CCDC63: variants seen among roughly 807,000 people sequenced by gnomAD.
CCDC63 encodes coiled-coil domain-containing protein 63.
A neutral mutation model predicts 63.6 loss-of-function variants in CCDC63; 54 were observed. The ratio of observed to expected loss-of-function variants is 0.85; its 90% confidence interval spans 0.68 to 1.07. The LOEUF (loss-of-function observed/expected upper bound fraction) is 1.07, where lower values mean the gene tolerates loss of function less well. CCDC63 is among the 50% of genes least tolerant of loss of function. CCDC63 has a pLI of 0.00. For missense variants in CCDC63, 637 were observed against 689.6 expected (o/e 0.92, Z 0.86); for synonymous variants, 253 against 266.1 (o/e 0.95, Z 0.48).
chr12:110,896,456 C>G (rs150451857), intron 9 of CCDC63, among the ~76,000 whole-genome samples: 1 of 152,162 alleles, frequency 6.6e-6, no homozygotes, highest in Non-Finnish European at 1.5e-5. Flanking sequence ...GGCTGTATGC[C>G]TCAGAGCCTC....
Position 110,904,797 on chromosome 12 carries a change from TTCTC to T in CCDC63, c.1546+15_1546+18del, listed in dbSNP as rs766763794. 3 of 1,600,816 alleles carry T rather than the reference TTCTC, an allele frequency of 1.9e-6. No individual in the cohort carries two copies. Among genetic ancestry groups the T allele is most frequent in the African/African-American group, 1.3e-5 (1 of 74,098 alleles). On this transcript the variant is annotated splice_region_variant and intron_variant, in intron 11 of 11. Coordinates refer to ENST00000308208, the MANE Select transcript of CCDC63 (RefSeq NM_152591.3). ...CAGCGACAGGTTGGATGATGGTGAG[TTCTC>T]TCTCTCTCAATCTGCACAGGTTGCT...
At chr12:110,869,034 CTG>C (rs1004340430) in intron 4 of CCDC63, among the ~76,000 whole-genome samples, 26 of 152,254 alleles carry the variant, frequency 1.7e-4, no homozygotes, top group African/African-American at 6.0e-4. Flanking sequence ...ATAGCTGAGA[CTG>C]TGCTGTGTAG....
chr12:110,905,071 C>T (rs1019248120), intron 11 of CCDC63, among the ~76,000 whole-genome samples: 1 of 152,076 alleles, frequency 6.6e-6, no homozygotes, highest in Non-Finnish European at 1.5e-5. Context: ...ACCTTTTGAT[C>T]ATTTAAAATG....
At position 110,896,519 on chromosome 12, in the gene CCDC63, A is replaced by G. The variant is rs536943219; in HGVS notation, c.1150-2414A>G. Among the ~76,000 whole-genome samples, 4 of 152,248 alleles carry G rather than the reference A, an allele frequency of 2.6e-5. No homozygotes were observed. The East Asian group carries it at 7.7e-4, about 29-fold the overall frequency. On this transcript the variant is annotated intron_variant, in intron 9 of 11. Coordinates refer to ENST00000308208, the MANE Select transcript of CCDC63 (RefSeq NM_152591.3). ...TGAATAGGGCCGACCCCTTGAGATC[A>G]TTATCCGGGATGGTGCGTGCAGAGT...
chr12:110,887,123 T>G (rs181730058), intron 8 of CCDC63, among the ~76,000 whole-genome samples: 1 of 151,836 alleles, frequency 6.6e-6, no homozygotes, highest in African/African-American at 2.4e-5. Context: ...TTTTTTAAAT[T>G]TTCTTTCTTT....
intron 11 of CCDC63, among the ~76,000 whole-genome samples, chr12:110,905,451 C>G (rs980814842): frequency 1.3e-5 from 2 of 152,092 alleles, no homozygotes; most frequent in African/African-American, 4.8e-5. Flanking sequence ...TTTTGGAGAG[C>G]AGTTTGGCCA....
intron 4 of CCDC63, among the ~76,000 whole-genome samples, chr12:110,864,210 A>G (rs2070904722): frequency 6.6e-6 from 1 of 152,266 alleles, no homozygotes; most frequent in African/African-American, 2.4e-5. Flanking sequence ...TCTTCCAGCA[A>G]AGAATGGCTT....
chr12:110,870,447 G>A (rs1167270077), intron 4 of CCDC63, among the ~76,000 whole-genome samples: 2 of 152,130 alleles, frequency 1.3e-5, no homozygotes, highest in Admixed American at 6.6e-5. Context: ...CTAATCCAGG[G>A]CACCAATTTG....
At chr12:110,871,779 C>T (rs1246146452) in intron 4 of CCDC63, among the ~76,000 whole-genome samples, 1 of 152,126 alleles carries the variant, frequency 6.6e-6, no homozygotes, top group Non-Finnish European at 1.5e-5. Context: ...TCCTTGGTCT[C>T]TTTCCACAAA....
intron 1 of CCDC63, among the ~76,000 whole-genome samples, chr12:110,850,305 C>T (rs533494672): frequency 2.6e-5 from 4 of 152,216 alleles, no homozygotes; most frequent in Non-Finnish European, 5.9e-5. Flanking sequence ...CATCAGAGAG[C>T]CCTGCCTGGA....
intron 9 of CCDC63, among the ~76,000 whole-genome samples, chr12:110,896,993 C>A (rs1487124789): frequency 1.3e-5 from 2 of 152,192 alleles, no homozygotes; most frequent in Admixed American, 6.5e-5. Flanking sequence ...TGCTGCTTGT[C>A]CTGGGACCAC....
chr12:110,899,162 C>T, intron 10 of CCDC63, 37 bp downstream of exon 10: 1 of 1,567,258 alleles, frequency 6.4e-7, no homozygotes, highest in Non-Finnish European at 8.7e-7. Context: ...TCTTAGGAAA[C>T]ATTTCCAGAA....
At chr12:110,850,198 G>A (rs1260038200) in intron 1 of CCDC63, among the ~76,000 whole-genome samples, 1 of 152,198 alleles carries the variant, frequency 6.6e-6, no homozygotes, top group South Asian at 2.1e-4. Context: ...AATGTCAGAT[G>A]AGGCAAGAAA....
At chr12:110,845,809 G>A (rs890745862), upstream of CCDC63, 1 of 150,928 alleles carries the variant, frequency 6.6e-6, no homozygotes. Flanking sequence ...ACCCAGGCTG[G>A]AGTGAGTGTG....
At chr12:110,848,144 A>G (rs1223841488) in intron 1 of CCDC63, among the ~76,000 whole-genome samples, 1 of 152,260 alleles carries the variant, frequency 6.6e-6, no homozygotes, top group Non-Finnish European at 1.5e-5. Context: ...AGGCAGTTAC[A>G]GAAAATGTGA....
chr12:110,896,204 G>A (rs945533060), intron 9 of CCDC63, among the ~76,000 whole-genome samples: 1 of 152,026 alleles, frequency 6.6e-6, no homozygotes, highest in Non-Finnish European at 1.5e-5. Flanking sequence ...GCAGTGGTGG[G>A]ATCACAGCTC....
Position 110,899,083 on chromosome 12 carries a change from G to T in CCDC63, c.1300G>T (p.Glu434Ter), listed in dbSNP as rs763702726. The change falls in exon 10 of 12, where the codon GAG becomes TAG. Residue 434 changes from glutamate to a stop codon, truncating the protein, a stop_gained. Transcript: ENST00000308208. LOFTEE classifies it high-confidence loss of function. ...CACCAAGATCCTGGTGCAGTTAGGG[G>T]AGACGGGGAAAGTCACTGACATCAA... ...DATKILVQLG[E>*]TGKVTDINLP... 34 of 1,613,620 alleles carry T rather than the reference G, an allele frequency of 2.1e-5. No individual in the cohort carries two copies. Among genetic ancestry groups the T allele is most frequent in the Non-Finnish European group, 2.7e-5 (32 of 1,179,782 alleles).
At chr12:110,884,874 T>G (rs1478962332) in intron 8 of CCDC63, among the ~76,000 whole-genome samples, 1 of 148,908 alleles carries the variant, frequency 6.7e-6, no homozygotes, top group African/African-American at 2.5e-5. Flanking sequence ...TTTTTTTGTA[T>G]TTTTAGTAGA....
In CCDC63 at chr12:110,889,577, G is replaced by T. The variant is rs1260619010; in HGVS notation, c.1075-3499G>T. Among the ~76,000 whole-genome samples, 1 of 152,154 alleles carries T rather than the reference G, an allele frequency of 6.6e-6. No homozygotes were observed. The highest frequency in any genetic ancestry group is 1.5e-5 in the Non-Finnish European group (1 of 68,022). ...GCTTGCAAGCAGGCCAGGGTGTCTG[G>T]CGCACAGAGAGAGACATGGGAGGGA... On this transcript the variant is annotated intron_variant, in intron 8 of 11. Coordinates refer to ENST00000308208, the MANE Select transcript of CCDC63 (RefSeq NM_152591.3). This position sits in a 1 kb window ranked among gnomAD's most constrained non-coding sequence, Gnocchi z 4.1.
Sources: gnomAD v4.1 joint callset for allele counts (sites outside exome capture counted in the v4.1 genomes callset) on GRCh38, gnomAD v4.1.1 for gene constraint, Gnocchi (gnomAD v3.1) non-coding constraint, MANE v1.5 for transcripts, NCBI Gene and HGNC (gene_info 2026-07-23, HGNC 2026-07-21) for gene names.